ZBTB20: variants seen among roughly 807,000 people sequenced by gnomAD.
The protein encoded by ZBTB20 is zinc finger and BTB domain-containing protein 20.
In ZBTB20, 9 loss-of-function variants were observed where a neutral mutation model predicts 56.9. The ratio of observed to expected loss-of-function variants is 0.16; its 90% confidence interval spans 0.10 to 0.28. The LOEUF (loss-of-function observed/expected upper bound fraction) is 0.28. Among genes scored for constraint, ZBTB20 ranks in the 10% least tolerant of loss-of-function variants. The probability of loss-of-function intolerance (pLI) is 1.00; values close to 1 mark genes in which losing one functional copy is unlikely to be tolerated. For missense variants in ZBTB20, 655 were observed against 1,003.0 expected (o/e 0.65, Z 4.69); for synonymous variants, 417 against 420.7 (o/e 0.99, Z 0.11).
At chr3:114,879,637 T>C (rs1479139305) in intron 4 of ZBTB20, among the ~76,000 whole-genome samples, 1 of 152,238 alleles carries the variant, frequency 6.6e-6, no homozygotes, top group African/African-American at 2.4e-5. Context: ...AGTTTTACAA[T>C]ACAATTCCTG....
intron 4 of ZBTB20, among the ~76,000 whole-genome samples, chr3:114,844,373 T>TATATA (rs1467342908): frequency 2.3e-5 from 2 of 88,286 alleles, no homozygotes; most frequent in Non-Finnish European, 2.0e-5. Flanking sequence ...ATATATATAT[T>TATATA]AGCTGAGAGT....
chr3:114,641,285 G>C (rs1241379909), intron 6 of ZBTB20, among the ~76,000 whole-genome samples: 1 of 151,788 alleles, frequency 6.6e-6, no homozygotes, highest in East Asian at 1.9e-4. Context: ...GATATTTCTG[G>C]GTGACATCTC....
Position 114,711,809 on chromosome 3 carries a change from T to C in ZBTB20, c.-342-18234A>G, listed in dbSNP as rs112720733. 6.4e-3 allele frequency among the ~76,000 whole-genome samples: 976 copies of C among 152,316 alleles called. 14 individuals carry two copies. The highest frequency in any genetic ancestry group is 0.023 in the African/African-American group (943 of 41,582). ...TGCTGAGCAGAGAGTAGAGCTTCAA[T>C]AAATGTTTATTAAACAGATGAACAA... On this transcript the variant is annotated intron_variant, in intron 5 of 11. Transcript: ENST00000675478.
intron 7 of ZBTB20, among the ~76,000 whole-genome samples, chr3:114,401,033 C>T (rs921042186): frequency 6.7e-6 from 1 of 148,520 alleles, no homozygotes; most frequent in Non-Finnish European, 1.5e-5. Flanking sequence ...GGTAACTGAA[C>T]GTCTAATAAT....
intron 4 of ZBTB20, among the ~76,000 whole-genome samples, chr3:114,875,071 C>A (rs1347775926): frequency 6.6e-6 from 1 of 152,068 alleles, no homozygotes; most frequent in Non-Finnish European, 1.5e-5. Flanking sequence ...CTACTCCTAT[C>A]TTAATAAGGA....
chr3:114,892,987 C>G (rs899388199), intron 4 of ZBTB20, among the ~76,000 whole-genome samples: 3 of 152,174 alleles, frequency 2.0e-5, no homozygotes, highest in Non-Finnish European at 4.4e-5. Flanking sequence ...TCACTGAGGC[C>G]TTATGGATAC....
chr3:115,122,786 G>A (rs1010702785), intron 1 of ZBTB20, among the ~76,000 whole-genome samples: 1 of 152,032 alleles, frequency 6.6e-6, no homozygotes, highest in Admixed American at 6.6e-5. Flanking sequence ...GAACCTCAGT[G>A]TCCACCAATC....
At chr3:114,649,727 T>C (rs1211652725) in intron 6 of ZBTB20, among the ~76,000 whole-genome samples, 1 of 152,018 alleles carries the variant, frequency 6.6e-6, no homozygotes, top group African/African-American at 2.4e-5. Flanking sequence ...GCCTCTAGAA[T>C]GTCTCTTTTG....
At chr3:114,809,702 T>C (rs2072374246) in intron 4 of ZBTB20, among the ~76,000 whole-genome samples, 2 of 152,190 alleles carry the variant, frequency 1.3e-5, no homozygotes, top group African/African-American at 4.8e-5. Flanking sequence ...TTTTTTTTTC[T>C]TCAGACACTT....
intron 5 of ZBTB20, among the ~76,000 whole-genome samples, chr3:114,768,379 CCT>C (rs2068932110): frequency 6.6e-6 from 1 of 151,844 alleles, no homozygotes; most frequent in Non-Finnish European, 1.5e-5. Flanking sequence ...TACATTACTC[CCT>C]GTTAACTGTC....
chr3:114,870,483 AG>A (rs2075958787), intron 4 of ZBTB20, among the ~76,000 whole-genome samples: 1 of 151,314 alleles, frequency 6.6e-6, no homozygotes, highest in Non-Finnish European at 1.5e-5. Flanking sequence ...ACGAAGAACA[AG>A]TGATTAATGG....
chr3:114,615,589 T>G (rs555963978), intron 6 of ZBTB20, among the ~76,000 whole-genome samples: 1 of 152,352 alleles, frequency 6.6e-6, no homozygotes, highest in African/African-American at 2.4e-5. Flanking sequence ...TCCTGTACTC[T>G]GAACTTTGTT....
chr3:114,613,745 T>G (rs1435087483), intron 6 of ZBTB20, among the ~76,000 whole-genome samples: 1 of 152,066 alleles, frequency 6.6e-6, no homozygotes. Context: ...GATTCCTAGG[T>G]CGGGGGAGTG....
intron 5 of ZBTB20, among the ~76,000 whole-genome samples, chr3:114,744,694 A>G (rs2066895510): frequency 6.6e-6 from 1 of 152,206 alleles, no homozygotes; most frequent in Non-Finnish European, 1.5e-5. Context: ...ATATAAATGC[A>G]GAAGAGATCA....
At position 114,325,573 on chromosome 3, in the gene ZBTB20, T is replaced by C. The variant is rs1294769084; in HGVS notation, c.*13432A>G. 2.0e-5 allele frequency: 3 copies of C among 152,174 alleles called. No individual in the cohort carries two copies. The highest frequency in any genetic ancestry group is 2.1e-4 in the South Asian group (1 of 4,832). 9.4% of individuals were successfully genotyped at this position (152,174 alleles called of 1,614,324 possible). A position where few individuals can be genotyped will look rare whatever the true frequency, so the allele number is the denominator to read the frequency against. On this transcript the variant is annotated 3_prime_UTR_variant, in exon 12 of 12. Coordinates refer to ENST00000675478, the MANE Select transcript of ZBTB20 (RefSeq NM_001348800.3). ...ATAGTTAACTTACTAATTCTTTGAA[T>C]TGTAATAATGAGAGATAGGCAAGAA... is the stretch of plus-strand genomic sequence containing the variant.
At chr3:114,896,056 A>G (rs2074865914) in intron 4 of ZBTB20, among the ~76,000 whole-genome samples, 1 of 152,168 alleles carries the variant, frequency 6.6e-6, no homozygotes. Flanking sequence ...AGGCGTGTTG[A>G]AAGCATTTGA....
chr3:114,935,339 A>G (rs187910968), intron 3 of ZBTB20, among the ~76,000 whole-genome samples: 1 of 152,322 alleles, frequency 6.6e-6, no homozygotes, highest in East Asian at 1.9e-4. Context: ...AAGAGGAGAC[A>G]CACTTGAGGA....
chr3:114,523,724 GAA>G (rs2046898489), intron 6 of ZBTB20, among the ~76,000 whole-genome samples: 3 of 152,150 alleles, frequency 2.0e-5, no homozygotes, highest in Admixed American at 2.0e-4. Flanking sequence ...AAGTATTTGT[GAA>G]GTTGTCTTTT....
chr3:114,777,810 G>A (rs976399191), intron 5 of ZBTB20, among the ~76,000 whole-genome samples: 7 of 151,866 alleles, frequency 4.6e-5, no homozygotes, highest in African/African-American at 1.7e-4. Flanking sequence ...GTTTATTGCG[G>A]CACTATTCAC....
Sources: allele counts gnomAD v4.1 joint callset (sites outside exome capture counted in the v4.1 genomes callset), GRCh38; gene constraint gnomAD v4.1.1; transcripts MANE v1.5; gene names NCBI Gene and HGNC (gene_info 2026-07-23, HGNC 2026-07-21).